Variants in CLMP observed in about 807,000 individuals in gnomAD.
CLMP encodes CXADR like cell adhesion molecule.
CLMP carries 27 observed loss-of-function variants against 45.2 expected under a neutral mutation model. The observed-to-expected ratio is 0.60, with a 90% CI of 0.44 to 0.82. The LOEUF (loss-of-function observed/expected upper bound fraction) is 0.82, where lower values mean the gene tolerates loss of function less well. Among genes scored for constraint, CLMP ranks in the 40% least tolerant of loss-of-function variants. The pLI is 0.00. For missense variants in CLMP, 403 were observed against 448.4 expected, an observed-to-expected ratio of 0.90 and a Z score of 0.91; for synonymous variants, 167 against 171.4, an observed-to-expected ratio of 0.97 and a Z score of 0.20.
At chr11:123,172,176 A>C (rs1161384469) in intron 1 of CLMP, among the ~76,000 whole-genome samples, 1 of 152,008 alleles carries the variant, frequency 6.6e-6, no homozygotes, top group South Asian at 2.1e-4. Flanking sequence ...CTTGAGATGG[A>C]GTCTCGCTCT....
chr11:123,124,702 C>T lies in CLMP; in HGVS notation c.29-26750G>A, dbSNP rs1029553223. Reference sequence around the variant, plus strand: ...GCTGGGCATACAGCAGTGAACAAAACGGATATTCTCCTTATTTTGTCCTTC... The same window carrying T: ...GCTGGGCATACAGCAGTGAACAAAATGGATATTCTCCTTATTTTGTCCTTC... On this transcript the variant is annotated intron_variant, in intron 1 of 6. Coordinates refer to ENST00000448775, the MANE Select transcript of CLMP (RefSeq NM_024769.5). Among the ~76,000 whole-genome samples, 6 of 152,304 alleles carry T rather than the reference C, an allele frequency of 3.9e-5. No homozygotes were observed. In the South Asian group the frequency reaches 6.2e-4, roughly 16 times the overall value.
chr11:123,187,312 A>C (rs1861848733), intron 1 of CLMP, among the ~76,000 whole-genome samples: 1 of 152,224 alleles, frequency 6.6e-6, no homozygotes, highest in African/African-American at 2.4e-5. Flanking sequence ...TGTTCCCTTG[A>C]AGAGTGATTG....
At chr11:123,093,539 G>C (rs778452810) in intron 2 of CLMP, among the ~76,000 whole-genome samples, 5 of 137,494 alleles carry the variant, frequency 3.6e-5, no homozygotes, top group African/African-American at 5.8e-5. Context: ...GTCGAGAGAG[G>C]GTTTCACCAT....
chr11:123,121,266 C>T (rs1043882457), intron 1 of CLMP, among the ~76,000 whole-genome samples: 42 of 151,680 alleles, frequency 2.8e-4, no homozygotes, highest in African/African-American at 9.4e-4. Flanking sequence ...TGTTGAATTA[C>T]TCCAGAGAAA....
intron 2 of CLMP, among the ~76,000 whole-genome samples, chr11:123,092,288 A>G (rs1181144609): frequency 6.8e-6 from 1 of 146,854 alleles, no homozygotes; most frequent in Non-Finnish European, 1.5e-5. Context: ...ACACACACAC[A>G]CAAAGACACA....
chr11:123,121,620 T>C (rs1860819976), intron 1 of CLMP, among the ~76,000 whole-genome samples: 2 of 151,908 alleles, frequency 1.3e-5, no homozygotes, highest in African/African-American at 4.8e-5. Flanking sequence ...TAAAATCACA[T>C]ATCTGTCAGT....
chr11:123,106,085 G>A (rs1860542110), intron 1 of CLMP, among the ~76,000 whole-genome samples: 2 of 151,994 alleles, frequency 1.3e-5, no homozygotes, highest in African/African-American at 4.8e-5. Flanking sequence ...TGAAGTGCTG[G>A]AATTACAGCT....
intron 1 of CLMP, among the ~76,000 whole-genome samples, chr11:123,175,667 T>C (rs1861689118): frequency 6.6e-6 from 1 of 152,230 alleles, no homozygotes; most frequent in African/African-American, 2.4e-5. Context: ...TTGAAGTATT[T>C]TAGCTTTGGC....
intron 1 of CLMP, among the ~76,000 whole-genome samples, chr11:123,121,281 C>A (rs751688189): frequency 2.6e-5 from 4 of 151,680 alleles, no homozygotes; most frequent in Non-Finnish European, 5.9e-5. Context: ...GAGAAAAATT[C>A]TTGTTTTTGT....
chr11:123,136,153 T>C, intron 1 of CLMP: 1 of 628,286 alleles, frequency 1.6e-6, no homozygotes. Flanking sequence ...CACCACCTAC[T>C]GCAGTTGCTG....
intron 1 of CLMP, among the ~76,000 whole-genome samples, chr11:123,130,930 C>A (rs1285211841): frequency 6.6e-6 from 1 of 150,634 alleles, no homozygotes; most frequent in Non-Finnish European, 1.5e-5. Flanking sequence ...GCAACCCCTG[C>A]CTCCCGGGTT....
At chr11:123,185,660 T>G (rs10892978) in intron 1 of CLMP, among the ~76,000 whole-genome samples, 34,720 of 152,000 alleles carry the variant, frequency 0.23, 9,392 homozygotes, top group African/African-American at 0.65. Context: ...GGCAGATGGG[T>G]ACCAGGCCTC....
intron 5 of CLMP, among the ~76,000 whole-genome samples, chr11:123,080,517 G>A (rs1170171761): frequency 6.6e-6 from 1 of 151,918 alleles, no homozygotes; most frequent in Non-Finnish European, 1.5e-5. Flanking sequence ...AGTAGAGATG[G>A]GGTTTCACCC....
At chr11:123,129,617 T>C (rs1199404976) in intron 1 of CLMP, among the ~76,000 whole-genome samples, 2 of 141,408 alleles carry the variant, frequency 1.4e-5, no homozygotes, top group East Asian at 2.0e-4. Flanking sequence ...ATATTATATT[T>C]ATATAATATA....
intron 1 of CLMP, among the ~76,000 whole-genome samples, chr11:123,158,404 C>G (rs1591481391): frequency 6.6e-6 from 1 of 152,168 alleles, no homozygotes; most frequent in South Asian, 2.1e-4. Context: ...AATTCAGGAT[C>G]GGCGGAAGGT....
intron 1 of CLMP, among the ~76,000 whole-genome samples, chr11:123,140,164 G>A (rs1030742038): frequency 6.6e-6 from 1 of 152,196 alleles, no homozygotes; most frequent in Non-Finnish European, 1.5e-5. Context: ...TACCACTCTG[G>A]CTTAATGTGG....
intron 1 of CLMP, chr11:123,193,199 A>C (rs1861931840): frequency 6.6e-6 from 1 of 152,222 alleles, no homozygotes; most frequent in African/African-American, 2.4e-5. Context: ...GTCTCCCCTA[A>C]TTATGAGTGT....
intron 1 of CLMP, among the ~76,000 whole-genome samples, chr11:123,150,348 G>C (rs1277493330): frequency 6.7e-6 from 1 of 149,638 alleles, no homozygotes; most frequent in Non-Finnish European, 1.5e-5. Context: ...GGTCAGAAAG[G>C]TGTGGGGGTT....
chr11:123,157,385 T>A (rs11603148), intron 1 of CLMP, among the ~76,000 whole-genome samples: 27,439 of 152,004 alleles, frequency 0.18, 2,669 homozygotes, highest in South Asian at 0.25. Flanking sequence ...AGAAACCCCA[T>A]CTCTACTAAA....
Sources: gnomAD v4.1 joint callset for allele counts (sites outside exome capture counted in the v4.1 genomes callset) on GRCh38, gnomAD v4.1.1 for gene constraint, MANE v1.5 for transcripts, NCBI Gene and HGNC (gene_info 2026-07-23, HGNC 2026-07-21) for gene names.